RNF13: variants seen among roughly 807,000 people sequenced by gnomAD.
RNF13 encodes E3 ubiquitin-protein ligase RNF13.
Under a neutral mutation model 37.7 loss-of-function variants are expected in RNF13, and 19 were observed. That is an observed-to-expected ratio of 0.50 (90% CI 0.35 to 0.74). RNF13 has a LOEUF of 0.74. RNF13 is among the 30% of genes least tolerant of loss of function. RNF13 has a pLI of 0.01. For missense variants in RNF13, 375 were observed against 453.0 expected (o/e 0.83, Z 1.56); for synonymous variants, 144 against 157.8 (o/e 0.91, Z 0.65).
intron 3 of RNF13, among the ~76,000 whole-genome samples, chr3:149,869,288 C>T (rs574101717): frequency 6.6e-6 from 1 of 151,876 alleles, no homozygotes; most frequent in African/African-American, 2.4e-5. Context: ...CTTAAAACTA[C>T]TATTTTGAAT....
intron 8 of RNF13, among the ~76,000 whole-genome samples, chr3:149,945,124 G>A (rs574835240): frequency 4.3e-4 from 65 of 152,276 alleles, no homozygotes; most frequent in Non-Finnish European, 7.4e-4. Flanking sequence ...GGTTGTAGAT[G>A]TGTGATATTA....
chr3:149,898,435 G>C (rs879597026), intron 5 of RNF13, among the ~76,000 whole-genome samples: 3 of 152,128 alleles, frequency 2.0e-5, no homozygotes, highest in African/African-American at 7.2e-5. Context: ...CTTTCATTGA[G>C]GTAGTAGAGT....
At chr3:149,850,476 C>G (rs145841700) in intron 2 of RNF13, among the ~76,000 whole-genome samples, 18 of 152,174 alleles carry the variant, frequency 1.2e-4, no homozygotes, top group Admixed American at 4.6e-4. Context: ...AAAGCAGTTT[C>G]AAAAAGGGTT....
intron 8 of RNF13, among the ~76,000 whole-genome samples, chr3:149,950,751 C>A (rs1263853531): frequency 6.6e-6 from 1 of 152,012 alleles, no homozygotes; most frequent in African/African-American, 2.4e-5. Context: ...GCTGGGATTA[C>A]AGATGTGAGC....
In RNF13 at chr3:149,930,400, A is replaced by G. The variant is rs151239694; in HGVS notation, c.700+9173A>G. 3.0e-4 allele frequency among the ~76,000 whole-genome samples: 45 copies of G among 152,350 alleles called. 1 individual carries two copies. Among genetic ancestry groups the G allele is most frequent in the African/African-American group, 1.0e-3 (42 of 41,586 alleles). ...TTTTGATTGGGATTGCATTGAATTTATAAATCAAGTTGGGCATCCCACTTG... is the reference window on the plus strand; with the variant it reads ...TTTTGATTGGGATTGCATTGAATTTGTAAATCAAGTTGGGCATCCCACTTG... On this transcript the variant is annotated intron_variant, in intron 8 of 9. Transcript: ENST00000392894.
chr3:149,936,950 A>C (rs1456742254), intron 8 of RNF13, among the ~76,000 whole-genome samples: 1 of 151,982 alleles, frequency 6.6e-6, no homozygotes, highest in Non-Finnish European at 1.5e-5. Flanking sequence ...GCTTTCACAA[A>C]CGTTCGGCGC....
At chr3:149,925,205 A>G (rs371700953) in intron 8 of RNF13, among the ~76,000 whole-genome samples, 112 of 152,304 alleles carry the variant, frequency 7.4e-4, no homozygotes, top group African/African-American at 2.5e-3. Flanking sequence ...CCATCAGCAT[A>G]ACTGTTTTTC....
At chr3:149,818,562 G>A (rs996042846) in intron 1 of RNF13, among the ~76,000 whole-genome samples, 4 of 152,174 alleles carry the variant, frequency 2.6e-5, no homozygotes, top group African/African-American at 7.2e-5. Context: ...GATTAAAGGA[G>A]TCAGTTAAAT....
chr3:149,910,860 T>C (rs973513480), intron 6 of RNF13, among the ~76,000 whole-genome samples: 2 of 152,220 alleles, frequency 1.3e-5, no homozygotes, highest in East Asian at 1.9e-4. Flanking sequence ...TTTGATGCCA[T>C]GTAAAATTTC....
chr3:149,859,064 T>G (rs1723950312), intron 3 of RNF13, among the ~76,000 whole-genome samples: 1 of 152,218 alleles, frequency 6.6e-6, no homozygotes, highest in African/African-American at 2.4e-5. Context: ...AGTGTATTTT[T>G]CCTCTCAGAA....
chr3:149,917,929 G>A lies in RNF13; in HGVS notation c.607-3205G>A, dbSNP rs543053757. Among the ~76,000 whole-genome samples the A allele has an allele frequency of 3.9e-5, 6 of 152,236 alleles. No individual in the cohort carries two copies. In the East Asian group the frequency reaches 9.6e-4, roughly 24 times the overall value. Reference sequence around the variant, plus strand: ...AAAGTACACAATTCAATAATTTTAAGTATCTTCACAGAATTATGCAACCAT... The same window carrying A: ...AAAGTACACAATTCAATAATTTTAAATATCTTCACAGAATTATGCAACCAT... On this transcript the variant is annotated intron_variant, in intron 7 of 9. Transcript: ENST00000392894.
At chr3:149,887,370 T>C (rs1178622045) in intron 4 of RNF13, among the ~76,000 whole-genome samples, 3 of 152,214 alleles carry the variant, frequency 2.0e-5, no homozygotes, top group Non-Finnish European at 4.4e-5. Context: ...GAATGTTCCA[T>C]CCAACAACAG....
chr3:149,889,495 G>A (rs1714452519), intron 4 of RNF13, among the ~76,000 whole-genome samples: 1 of 147,546 alleles, frequency 6.8e-6, no homozygotes, highest in Non-Finnish European at 1.5e-5. Context: ...AGTAGAGACG[G>A]GGTTTCACCT....
intron 1 of RNF13, among the ~76,000 whole-genome samples, chr3:149,838,860 T>C (rs1721910846): frequency 7.0e-6 from 1 of 143,258 alleles, no homozygotes; most frequent in African/African-American, 2.6e-5. Flanking sequence ...TATTGCATCA[T>C]CAGGCTGCAA....
At chr3:149,843,018 C>T (rs961203022) in intron 1 of RNF13, among the ~76,000 whole-genome samples, 2 of 152,126 alleles carry the variant, frequency 1.3e-5, no homozygotes, top group Non-Finnish European at 2.9e-5. Context: ...GCAGTTCGCC[C>T]TCCGTATCCA....
intron 1 of RNF13, among the ~76,000 whole-genome samples, chr3:149,831,001 T>G (rs1720978058): frequency 6.6e-6 from 1 of 152,254 alleles, no homozygotes; most frequent in Non-Finnish European, 1.5e-5. Flanking sequence ...GGTGTTGAGC[T>G]GCAAGGTGCA....
intron 8 of RNF13, among the ~76,000 whole-genome samples, chr3:149,944,143 G>T (rs757010923): frequency 9.9e-5 from 15 of 152,208 alleles, no homozygotes; most frequent in Non-Finnish European, 1.9e-4. Flanking sequence ...CAAAGGACAT[G>T]AACTTATCCT....
chr3:149,860,151 A>T (rs1724068932), intron 3 of RNF13, among the ~76,000 whole-genome samples: 1 of 151,130 alleles, frequency 6.6e-6, no homozygotes, highest in Non-Finnish European at 1.5e-5. Context: ...CTGTAGTCCC[A>T]GCTACTCAGG....
intron 8 of RNF13, among the ~76,000 whole-genome samples, chr3:149,922,060 G>A (rs1039957483): frequency 7.3e-5 from 11 of 151,668 alleles, no homozygotes; most frequent in Non-Finnish European, 1.3e-4. Context: ...TGCAGCCTCC[G>A]CCCCCCAGGT....
Sources: allele counts gnomAD v4.1 joint callset (sites outside exome capture counted in the v4.1 genomes callset), GRCh38; gene constraint gnomAD v4.1.1; transcripts MANE v1.5; gene names NCBI Gene and HGNC (gene_info 2026-07-23, HGNC 2026-07-21).